The following TENM3 variants were observed in gnomAD, a reference collection of about 807,000 sequenced individuals.
TENM3 encodes teneurin-3.
A neutral mutation model predicts 255.1 loss-of-function variants in TENM3; 63 were observed. The observed-to-expected ratio is 0.25, with a 90% CI of 0.20 to 0.30. The LOEUF is 0.30. Among genes scored for constraint, TENM3 ranks in the 10% least tolerant of loss-of-function variants. The probability of loss-of-function intolerance (pLI) is 1.00; values close to 1 mark genes in which losing one functional copy is unlikely to be tolerated. For synonymous variants in TENM3, 1,306 were observed against 1,322.3 expected (o/e 0.99, Z 0.27); for missense variants, 2,929 against 3,461.1 (o/e 0.85, Z 3.86).
rs1296781735 is a variant in TENM3 at position 182,653,927 on chromosome 4, T to C, written c.1111+34T>C. On this transcript the variant is annotated intron_variant, in intron 6 of 27. Transcript: ENST00000511685. ...AAGAATTATGTATCCTGTGTTTCTC[T>C]TTTAACATCCCTTTTCCATAAATTT... 3 of 1,567,298 alleles carry C rather than the reference T, an allele frequency of 1.9e-6. No homozygotes were observed. In the African/African-American group the frequency reaches 4.1e-5, roughly 21 times the overall value.
chr4:182,230,320 G>A (rs895320200), intron 1 of TENM3, among the ~76,000 whole-genome samples: 64 of 151,912 alleles, frequency 4.2e-4, no homozygotes, highest in Admixed American at 6.6e-5. Context: ...GCAAGTCTTA[G>A]GTCAGAAGAG....
the TENM3 span, among the ~76,000 whole-genome samples, chr4:182,052,476 C>G: frequency 2.0e-5 from 3 of 152,112 alleles, no homozygotes; most frequent in African/African-American, 7.2e-5. Context: ...TTCTCAAGGG[C>G]CAGCTGGGCT....
intron 12 of TENM3, among the ~76,000 whole-genome samples, chr4:182,712,265 C>T (rs1579199707): frequency 1.3e-5 from 2 of 152,272 alleles, no homozygotes; most frequent in South Asian, 2.1e-4. Context: ...AATTCCCCTT[C>T]CCTTTCTCCT....
At chr4:181,738,775 C>T in the TENM3 span, among the ~76,000 whole-genome samples, 1 of 152,008 alleles carries the variant, frequency 6.6e-6, no homozygotes, top group Admixed American at 6.6e-5. Context: ...AGATATATTT[C>T]CCTTGTAGAA....
chr4:182,520,673 T>A (rs1260646798), intron 3 of TENM3, among the ~76,000 whole-genome samples: 2 of 152,206 alleles, frequency 1.3e-5, no homozygotes, highest in Non-Finnish European at 1.5e-5. Context: ...AAACATAAAC[T>A]TTTTTCCCTA....
chr4:182,127,333 G>GTC, the TENM3 span, among the ~76,000 whole-genome samples: 4 of 152,268 alleles, frequency 2.6e-5, no homozygotes, highest in East Asian at 7.7e-4. Flanking sequence ...AGCAGCGCCT[G>GTC]TCCTAGGTAA....
intron 3 of TENM3, among the ~76,000 whole-genome samples, chr4:182,578,822 T>G (rs1004434401): frequency 6.6e-6 from 1 of 152,212 alleles, no homozygotes; most frequent in Non-Finnish European, 1.5e-5. Flanking sequence ...AACTCTCTCT[T>G]AAGTTGCTTT....
the TENM3 span, among the ~76,000 whole-genome samples, chr4:181,618,627 C>T: frequency 2.6e-5 from 4 of 152,190 alleles, no homozygotes; most frequent in Admixed American, 1.3e-4. Flanking sequence ...ACTCATCCTA[C>T]GAATATTTTC....
chr4:182,534,519 G>C (rs1004461479), intron 3 of TENM3, among the ~76,000 whole-genome samples: 1 of 152,222 alleles, frequency 6.6e-6, no homozygotes, highest in Non-Finnish European at 1.5e-5. Context: ...TTAGAAAAAG[G>C]AGAGTAATGT....
intron 1 of TENM3, among the ~76,000 whole-genome samples, chr4:182,276,097 A>C (rs928934652): frequency 1.3e-5 from 2 of 152,180 alleles, no homozygotes; most frequent in Admixed American, 6.5e-5. Flanking sequence ...CCAGCTGGGC[A>C]GGGATTTAAA....
chr4:181,691,516 C>G, the TENM3 span, among the ~76,000 whole-genome samples: 1 of 152,036 alleles, frequency 6.6e-6, no homozygotes, highest in Non-Finnish European at 1.5e-5. Flanking sequence ...GCCCCCTTAG[C>G]ATGAATTGTG....
intron 3 of TENM3, among the ~76,000 whole-genome samples, chr4:182,520,544 CT>C (rs2151777871): frequency 6.6e-6 from 1 of 152,264 alleles, no homozygotes; most frequent in South Asian, 2.1e-4. Context: ...CACATATTAG[CT>C]TTTTCAAAAA....
At chr4:182,448,498 G>C (rs192719793) in intron 3 of TENM3, among the ~76,000 whole-genome samples, 14 of 152,334 alleles carry the variant, frequency 9.2e-5, no homozygotes, top group Non-Finnish European at 2.1e-4. Context: ...GATGCGGGAC[G>C]CATGAATGGT....
intron 1 of TENM3, among the ~76,000 whole-genome samples, chr4:182,186,813 A>G (rs2149768485): frequency 1.2e-5 from 1 of 84,392 alleles, no homozygotes; most frequent in African/African-American, 5.0e-5. Context: ...ATATATATAT[A>G]TGGTCCTACC....
intron 1 of TENM3, among the ~76,000 whole-genome samples, chr4:182,159,448 GT>G (rs1750945085): frequency 3.9e-3 from 1 of 256 alleles, no homozygotes. Flanking sequence ...GTGTGTATGA[GT>G]GTGTGTGTGT....
chr4:181,942,682 A>C, the TENM3 span, among the ~76,000 whole-genome samples: 7 of 152,208 alleles, frequency 4.6e-5, no homozygotes, highest in African/African-American at 1.2e-4. Flanking sequence ...ACTGGGAAAA[A>C]ATATTTGGCC....
chr4:182,766,619 T>C (rs563458231), intron 22 of TENM3, among the ~76,000 whole-genome samples: 1 of 152,212 alleles, frequency 6.6e-6, no homozygotes, highest in Non-Finnish European at 1.5e-5. Flanking sequence ...TTGAAGAAAA[T>C]GTCATTTCTG....
At chr4:181,840,114 A>G in the TENM3 span, among the ~76,000 whole-genome samples, 2 of 152,040 alleles carry the variant, frequency 1.3e-5, no homozygotes, top group Non-Finnish European at 2.9e-5. Flanking sequence ...AAATTTTTAT[A>G]TACATAAATA....
the TENM3 span, among the ~76,000 whole-genome samples, chr4:181,877,805 A>T: frequency 6.6e-6 from 1 of 152,132 alleles, no homozygotes; most frequent in African/African-American, 2.4e-5. Context: ...CTTTGCTTAT[A>T]CATAACCAGT....
Sources: gnomAD v4.1 joint callset for allele counts (sites outside exome capture counted in the v4.1 genomes callset) on GRCh38, gnomAD v4.1.1 for gene constraint, MANE v1.5 for transcripts, NCBI Gene and HGNC (gene_info 2026-07-23, HGNC 2026-07-21) for gene names.